Variants in ARHGEF28 observed in about 807,000 individuals in gnomAD.
The protein encoded by ARHGEF28 is 190 kDa guanine nucleotide exchange factor.
Under a neutral mutation model 206.6 loss-of-function variants are expected in ARHGEF28, and 152 were observed. The ratio of observed to expected loss-of-function variants is 0.74; its 90% CI spans 0.64 to 0.84. ARHGEF28 has a LOEUF of 0.84. Ranked by LOEUF, ARHGEF28 falls within the 40% of genes least tolerant of loss-of-function variation. The pLI, the probability that ARHGEF28 is intolerant of heterozygous loss-of-function variation, is 0.00. For missense variants in ARHGEF28, 2,028 were observed against 2,073.2 expected (o/e 0.98, Z 0.42); for synonymous variants, 763 against 776.4 (o/e 0.98, Z 0.29).
intron 35 of ARHGEF28, among the ~76,000 whole-genome samples, chr5:73,929,682 G>A (rs1764001718): frequency 6.6e-6 from 1 of 151,982 alleles, no homozygotes; most frequent in Admixed American, 6.6e-5. Context: ...TCGCCTTTTT[G>A]CTTTTTTAGA....
chr5:73,853,291 T>C (rs17553316), intron 14 of ARHGEF28, among the ~76,000 whole-genome samples: 11,148 of 152,292 alleles, frequency 0.073, 449 homozygotes, highest in Non-Finnish European at 0.08. Flanking sequence ...TCTGTTGGTG[T>C]TGAATAACTA....
rs200604410 is a variant in ARHGEF28 at position 73,885,865 on chromosome 5, A to G, written c.3071A>G (p.His1024Arg). Residue 1024 changes from histidine (H) to arginine (R), a missense_variant, in exon 25 of 36, where the codon CAT becomes CGT. Physicochemically the swap from His to Arg is conservative, Grantham distance 29. Around this residue, in one of 3 missense-constraint regions of ARHGEF28, gnomAD observed 223 missense variants for 289.9 expected, o/e 0.77. Transcript: ENST00000513042. ...LQYTKERTEE[H>R]KDLRKALCLI... ...TCCCACGCAGAAAGAACTGAGGAAC[A>G]TAAAGACTTACGCAAAGCGCTTTGC... The G allele has an allele frequency of 5.6e-6, 9 of 1,611,194 alleles. No homozygotes were observed. Among genetic ancestry groups the G allele is most frequent in the Admixed American group, 1.7e-5 (1 of 59,488 alleles).
intron 1 of ARHGEF28, among the ~76,000 whole-genome samples, chr5:73,630,973 A>G (rs1377891386): frequency 6.6e-6 from 1 of 152,200 alleles, no homozygotes; most frequent in South Asian, 2.1e-4. Context: ...GACAGTCATC[A>G]GGTTTAAATG....
intron 2 of ARHGEF28, among the ~76,000 whole-genome samples, chr5:73,725,420 G>A (rs7710056): frequency 0.026 from 4,016 of 152,274 alleles, 169 homozygotes; most frequent in African/African-American, 0.091. Flanking sequence ...TTATAGGTAT[G>A]AATAGAATGT....
intron 14 of ARHGEF28, 62 bp downstream of exon 14, chr5:73,852,754 A>T: frequency 1.3e-6 from 2 of 1,550,176 alleles, no homozygotes; most frequent in Non-Finnish European, 1.8e-6. Context: ...AAATGTCCAC[A>T]CATCATTTTT....
chr5:73,812,588 C>T (rs1376131989), intron 9 of ARHGEF28, among the ~76,000 whole-genome samples: 4 of 152,024 alleles, frequency 2.6e-5, no homozygotes, highest in South Asian at 4.1e-4. Context: ...CTATAGGAAG[C>T]GGAGAAGTGA....
chr5:73,908,112 T>C (rs1762649977), intron 33 of ARHGEF28, among the ~76,000 whole-genome samples: 1 of 152,214 alleles, frequency 6.6e-6, no homozygotes, highest in Non-Finnish European at 1.5e-5. Context: ...ATGATAATCA[T>C]TGTTTTATTT....
At chr5:73,841,277 A>G (rs969338116) in intron 11 of ARHGEF28, among the ~76,000 whole-genome samples, 1 of 152,228 alleles carries the variant, frequency 6.6e-6, no homozygotes, top group Non-Finnish European at 1.5e-5. Context: ...TTACATCTGC[A>G]TGCATAATAA....
intron 23 of ARHGEF28, among the ~76,000 whole-genome samples, chr5:73,883,351 G>A (rs1313350994): frequency 6.6e-6 from 1 of 152,138 alleles, no homozygotes; most frequent in Non-Finnish European, 1.5e-5. Flanking sequence ...AAGTTGTCCT[G>A]ATTAGAGGGA....
intron 1 of ARHGEF28, among the ~76,000 whole-genome samples, chr5:73,635,528 T>C (rs900114100): frequency 2.0e-5 from 3 of 152,222 alleles, no homozygotes; most frequent in Admixed American, 6.5e-5. Context: ...ACTGTGATGA[T>C]TTCTTTAGGT....
chr5:73,752,127 A>G (rs1752046107), intron 3 of ARHGEF28, among the ~76,000 whole-genome samples: 1 of 152,224 alleles, frequency 6.6e-6, no homozygotes, highest in Non-Finnish European at 1.5e-5. Context: ...CATGATTATC[A>G]TGATCATAGT....
intron 2 of ARHGEF28, among the ~76,000 whole-genome samples, chr5:73,724,873 T>A (rs1234384530): frequency 1.3e-5 from 2 of 152,242 alleles, no homozygotes; most frequent in Non-Finnish European, 2.9e-5. Context: ...ACAGATTTCA[T>A]GTGAATATAA....
intron 2 of ARHGEF28, among the ~76,000 whole-genome samples, chr5:73,704,152 C>T (rs1329123523): frequency 1.3e-5 from 2 of 152,114 alleles, no homozygotes; most frequent in Non-Finnish European, 2.9e-5. Flanking sequence ...CTATGCTTCT[C>T]CCCAGATAGA....
intron 10 of ARHGEF28, among the ~76,000 whole-genome samples, chr5:73,833,569 T>C (rs901191383): frequency 1.3e-5 from 2 of 152,158 alleles, no homozygotes; most frequent in Non-Finnish European, 2.9e-5. Context: ...GTCCTAGTTA[T>C]AGAAATCTAG....
intron 2 of ARHGEF28, among the ~76,000 whole-genome samples, chr5:73,718,957 G>A (rs913548068): frequency 2.6e-5 from 4 of 152,126 alleles, no homozygotes; most frequent in Admixed American, 6.5e-5. Flanking sequence ...CTGGGCTGAC[G>A]CAAGAACAGC....
At chr5:73,815,481 A>C (rs992037293) in intron 9 of ARHGEF28, among the ~76,000 whole-genome samples, 1 of 152,182 alleles carries the variant, frequency 6.6e-6, no homozygotes, top group Non-Finnish European at 1.5e-5. Flanking sequence ...GAATATTATC[A>C]GTTCTGGTAT....
At chr5:73,746,669 GT>G (rs1489564938) in intron 2 of ARHGEF28, among the ~76,000 whole-genome samples, 1 of 152,066 alleles carries the variant, frequency 6.6e-6, no homozygotes, top group African/African-American at 2.4e-5. Flanking sequence ...TAGAAGGCAT[GT>G]TTTTGCTCCT....
At chr5:73,935,523 A>G (rs1348267245) in intron 35 of ARHGEF28, among the ~76,000 whole-genome samples, 2 of 152,228 alleles carry the variant, frequency 1.3e-5, no homozygotes, top group Non-Finnish European at 2.9e-5. Flanking sequence ...TGTATGATAA[A>G]TGTTTTCCAT....
At position 73,828,526 on chromosome 5, in the gene ARHGEF28, G is replaced by A. The variant is rs147318376; in HGVS notation, c.1025-3812G>A. On this transcript the variant is annotated intron_variant, in intron 9 of 35. Coordinates refer to ENST00000513042, the MANE Select transcript of ARHGEF28 (RefSeq NM_001177693.2). ...TGTCCTTCACAAGACTTACTGTCTCGGTGGAGCCATTACCCGAGTGACAGG... is the reference window on the plus strand; with the variant it reads ...TGTCCTTCACAAGACTTACTGTCTCAGTGGAGCCATTACCCGAGTGACAGG... Among the ~76,000 whole-genome samples, 977 of 152,162 alleles carry A rather than the reference G, an allele frequency of 6.4e-3. 13 individuals are homozygous for A. Among genetic ancestry groups the A allele is most frequent in the African/African-American group, 0.022 (912 of 41,490 alleles).
Sources: gnomAD v4.1 joint callset for allele counts (sites outside exome capture counted in the v4.1 genomes callset) on GRCh38, gnomAD v4.1.1 for gene constraint, gnomAD v4.1.1 regional missense constraint, MANE v1.5 for transcripts, NCBI Gene and HGNC (gene_info 2026-07-23, HGNC 2026-07-21) for gene names.